Variants in COL22A1 observed in about 807,000 individuals in gnomAD.
The protein encoded by COL22A1 is collagen alpha-1(XXII) chain.
A neutral mutation model predicts 248.9 loss-of-function variants in COL22A1; 221 were observed. The ratio of observed to expected loss-of-function variants is 0.89; its 90% CI spans 0.80 to 0.99. The LOEUF (loss-of-function observed/expected upper bound fraction) is 0.99. Ranked by LOEUF, COL22A1 falls within the 50% of genes least tolerant of loss-of-function variation. The pLI, the probability that COL22A1 is intolerant of heterozygous loss-of-function variation, is 0.00. For synonymous variants in COL22A1, 891 were observed against 793.4 expected (o/e 1.12, Z -2.07); for missense variants, 2,240 against 2,179.0 (o/e 1.03, Z -0.56).
At chr8:138,755,408 A>G in intron 20 of COL22A1, 74 bp downstream of exon 20, 3 of 1,499,996 alleles carry the variant, frequency 2.0e-6, no homozygotes. Flanking sequence ...GTTCAGCCTG[A>G]GATCATGGTT....
At chr8:138,870,351 AGTGTGTATGTG>A (rs909181058) in intron 3 of COL22A1, among the ~76,000 whole-genome samples, 1 of 150,386 alleles carries the variant, frequency 6.6e-6, no homozygotes, top group Non-Finnish European at 1.5e-5. Context: ...TGTGGTGTGT[AGTGTGTATGTG>A]GTGTGTATAG....
intron 1 of COL22A1, among the ~76,000 whole-genome samples, chr8:138,885,089 G>A (rs56174398): frequency 0.089 from 13,532 of 152,198 alleles, 731 homozygotes; most frequent in Non-Finnish European, 0.1. Context: ...TGAGCCACCA[G>A]GCTTCATCTG....
chr8:138,704,606 C>T (rs1348995421), intron 30 of COL22A1, among the ~76,000 whole-genome samples: 3 of 152,218 alleles, frequency 2.0e-5, no homozygotes, highest in Non-Finnish European at 4.4e-5. Context: ...AGGACATCCA[C>T]ACCAACCCCA....
At chr8:138,839,581 T>A (rs553110630) in intron 4 of COL22A1, among the ~76,000 whole-genome samples, 8 of 152,188 alleles carry the variant, frequency 5.3e-5, no homozygotes, top group African/African-American at 1.9e-4. Flanking sequence ...CACACAGAGT[T>A]CCAGCTGGGA....
Position 138,753,921 on chromosome 8 carries a change from C to A in COL22A1, c.2031+1236G>T, listed in dbSNP as rs146786666. Among the ~76,000 whole-genome samples the A allele has an allele frequency of 4.4e-3, 664 of 152,250 alleles. 5 individuals carry two copies. The highest frequency in any genetic ancestry group is 0.025 in the South Asian group (120 of 4,814). ...GGGACCATGAAGTAAAGTAATTCCCCTTTACGGAGCTCAGAGGAAGGATTG... is the reference window on the plus strand; with the variant it reads ...GGGACCATGAAGTAAAGTAATTCCCATTTACGGAGCTCAGAGGAAGGATTG... On this transcript the variant is annotated intron_variant, in intron 21 of 64. Transcript: ENST00000303045.
intron 2 of COL22A1, among the ~76,000 whole-genome samples, chr8:138,881,399 TTTCTG>T (rs1251374069): frequency 1.3e-5 from 2 of 152,090 alleles, no homozygotes; most frequent in African/African-American, 4.8e-5. Flanking sequence ...AGAATGTCAC[TTTCTG>T]GGTGGGTGTG....
intron 10 of COL22A1, among the ~76,000 whole-genome samples, chr8:138,804,994 G>A (rs1365150818): frequency 2.1e-5 from 3 of 139,566 alleles, no homozygotes; most frequent in South Asian, 2.4e-4. Context: ...TGTGTGTGAT[G>A]GTGTAGGCAA....
At chr8:138,765,142 G>A (rs566976790) in intron 16 of COL22A1, among the ~76,000 whole-genome samples, 19 of 152,250 alleles carry the variant, frequency 1.2e-4, no homozygotes, top group East Asian at 5.8e-4. Context: ...AACTGAGGCC[G>A]GAGGAGGTGA....
intron 1 of COL22A1, among the ~76,000 whole-genome samples, chr8:138,888,870 G>A (rs1048298842): frequency 6.6e-6 from 1 of 152,152 alleles, no homozygotes; most frequent in Non-Finnish European, 1.5e-5. Flanking sequence ...CTCCTAGCAT[G>A]TAGTGGTCAC....
intron 12 of COL22A1, among the ~76,000 whole-genome samples, chr8:138,788,532 T>C (rs1815743520): frequency 6.6e-6 from 1 of 152,182 alleles, no homozygotes; most frequent in Non-Finnish European, 1.5e-5. Context: ...CTATGAATTA[T>C]TTTAGGTGAA....
In COL22A1 at chr8:138,693,703, C is replaced by A. The variant is rs1827265034; in HGVS notation, c.2701-4G>T. 1.3e-6 allele frequency: 2 copies of A among 1,569,454 alleles called. No individual in the cohort carries two copies. Among genetic ancestry groups the A allele is most frequent in the African/African-American group, 1.4e-5 (1 of 73,626 alleles). On this transcript the variant is annotated splice_region_variant and splice_polypyrimidine_tract_variant and intron_variant, in intron 34 of 64. Coordinates refer to ENST00000303045, the MANE Select transcript of COL22A1 (RefSeq NM_152888.3). Reference sequence around the variant, plus strand: ...CACCTTCCTGTCCCTTGGCACCCTGCACAGGAAATAAAAGAGGGGCGGGGG... The same window carrying A: ...CACCTTCCTGTCCCTTGGCACCCTGAACAGGAAATAAAAGAGGGGCGGGGG...
chr8:138,872,608 T>C (rs1823423369), intron 3 of COL22A1, among the ~76,000 whole-genome samples: 1 of 152,210 alleles, frequency 6.6e-6, no homozygotes, highest in Non-Finnish European at 1.5e-5. Context: ...CTCTTAATTA[T>C]AGCTGATGCT....
rs527769352 is a variant in COL22A1, at chr8:138,911,733, C to T, written c.-73+1886G>A. ...TCTGTGGACTGCATCCGTTTAGGGG[C>T]CATTTACTTAATCATTTTGTAGGTA... On this transcript the variant is annotated intron_variant, in intron 1 of 64. Transcript: ENST00000303045. Among the ~76,000 whole-genome samples the T allele has an allele frequency of 1.6e-4, 24 of 152,276 alleles. 1 individual carries two copies. Among genetic ancestry groups the T allele is most frequent in the African/African-American group, 5.5e-4 (23 of 41,562 alleles).
At chr8:138,666,848 C>T (rs149133645) in intron 41 of COL22A1, among the ~76,000 whole-genome samples, 28 of 152,240 alleles carry the variant, frequency 1.8e-4, no homozygotes, top group African/African-American at 6.0e-4. Context: ...TTGAAGGATG[C>T]GTTTTTAAAT....
intron 58 of COL22A1, among the ~76,000 whole-genome samples, chr8:138,605,927 T>C (rs1818383281): frequency 6.6e-6 from 1 of 152,128 alleles, no homozygotes; most frequent in African/African-American, 2.4e-5. Flanking sequence ...CTTGCTCACC[T>C]TTACTATTAT....
chr8:138,912,730 A>C (rs1315785075), intron 1 of COL22A1, among the ~76,000 whole-genome samples: 2 of 148,734 alleles, frequency 1.3e-5, no homozygotes, highest in African/African-American at 5.1e-5. Context: ...AGCCTGGGAA[A>C]CAAGAGTGAA....
At chr8:138,792,644 C>A (rs1586755354) in intron 12 of COL22A1, among the ~76,000 whole-genome samples, 1 of 152,210 alleles carries the variant, frequency 6.6e-6, no homozygotes, top group African/African-American at 2.4e-5. Flanking sequence ...TGACTCAGAC[C>A]TGATTCTTGC....
intron 56 of COL22A1, among the ~76,000 whole-genome samples, chr8:138,609,027 G>A (rs1274587062): frequency 1.3e-5 from 2 of 152,238 alleles, no homozygotes; most frequent in South Asian, 2.1e-4. Flanking sequence ...ACCAAGAGGT[G>A]TGAATGCCCT....
intron 31 of COL22A1, 36 bp from the exon 32 acceptor site, chr8:138,700,180 A>G (rs1257667997): frequency 1.9e-6 from 3 of 1,607,082 alleles, no homozygotes; most frequent in African/African-American, 2.7e-5. Context: ...AAAGATGGGC[A>G]TCAAGGAACC....
Sources: allele counts gnomAD v4.1 joint callset (sites outside exome capture counted in the v4.1 genomes callset), GRCh38; gene constraint gnomAD v4.1.1; transcripts MANE v1.5; gene names NCBI Gene and HGNC (gene_info 2026-07-23, HGNC 2026-07-21).